The following SGCZ variants were observed in gnomAD, a reference collection of about 807,000 sequenced individuals.
SGCZ encodes zeta-sarcoglycan.
Under a neutral mutation model 41.3 loss-of-function variants are expected in SGCZ, and 40 were observed. The observed-to-expected ratio is 0.97, with a 90% CI of 0.75 to 1.26. The LOEUF is 1.26. Among genes scored for constraint, SGCZ ranks in the 50% most tolerant of loss-of-function variants. The pLI, the probability that SGCZ is intolerant of heterozygous loss-of-function variation, is 0.00. For missense variants in SGCZ, 552 were observed against 369.8 expected, an observed-to-expected ratio of 1.49 and a Z score of -4.04; for synonymous variants, 206 against 137.5, an observed-to-expected ratio of 1.50 and a Z score of -3.49.
At chr8:15,050,718 C>A (rs1420604482) in intron 1 of SGCZ, among the ~76,000 whole-genome samples, 1 of 152,016 alleles carries the variant, frequency 6.6e-6, no homozygotes, top group Admixed American at 6.6e-5. Flanking sequence ...TGAATTGAAG[C>A]TGATGTGTGG....
intron 4 of SGCZ, among the ~76,000 whole-genome samples, chr8:14,174,694 C>T (rs1258251488): frequency 3.3e-5 from 5 of 152,002 alleles, no homozygotes; most frequent in Admixed American, 6.6e-5. Context: ...CAATATGAAA[C>T]GGAAATAAAA....
intron 3 of SGCZ, among the ~76,000 whole-genome samples, chr8:14,261,828 T>C (rs923884712): frequency 1.3e-5 from 2 of 152,160 alleles, no homozygotes; most frequent in African/African-American, 2.4e-5. Flanking sequence ...AGAAAGAATA[T>C]ATTAAAAACT....
At chr8:14,746,024 A>T (rs903488326) in intron 1 of SGCZ, among the ~76,000 whole-genome samples, 2 of 152,086 alleles carry the variant, frequency 1.3e-5, no homozygotes, top group African/African-American at 2.4e-5. Context: ...TTTCTTACAA[A>T]CAATAAATTA....
At chr8:14,514,486 A>G (rs1260639361) in intron 2 of SGCZ, among the ~76,000 whole-genome samples, 1 of 151,916 alleles carries the variant, frequency 6.6e-6, no homozygotes, top group Non-Finnish European at 1.5e-5. Context: ...GGAATATGGT[A>G]AGAATTTGAT....
At chr8:15,159,772 G>C (rs1474920113) in intron 1 of SGCZ, among the ~76,000 whole-genome samples, 2 of 61,474 alleles carry the variant, frequency 3.3e-5, no homozygotes, top group Non-Finnish European at 6.5e-5. Context: ...CACACACACA[G>C]ATGGTGTCTG....
intron 1 of SGCZ, among the ~76,000 whole-genome samples, chr8:15,157,968 G>A (rs1242999689): frequency 6.6e-6 from 1 of 152,150 alleles, no homozygotes; most frequent in African/African-American, 2.4e-5. Flanking sequence ...CTTGCCCAGT[G>A]ACTGGCAGAA....
intron 2 of SGCZ, among the ~76,000 whole-genome samples, chr8:14,399,763 C>G (rs1799020967): frequency 6.6e-6 from 1 of 152,046 alleles, no homozygotes; most frequent in South Asian, 2.1e-4. Context: ...TTTACATTTT[C>G]TAAAATAAGC....
At chr8:15,221,967 C>T (rs901605864) in intron 1 of SGCZ, among the ~76,000 whole-genome samples, 1 of 152,158 alleles carries the variant, frequency 6.6e-6, no homozygotes, top group Non-Finnish European at 1.5e-5. Context: ...TTTTGCATTC[C>T]CTGTGTCCTA....
chr8:14,921,177 G>T (rs567318859), intron 1 of SGCZ, among the ~76,000 whole-genome samples: 1 of 152,122 alleles, frequency 6.6e-6, no homozygotes, highest in Admixed American at 6.5e-5. Context: ...TCAGCTTCCC[G>T]CATTCCCTTA....
chr8:15,111,555 C>A (rs1254428328), intron 1 of SGCZ, among the ~76,000 whole-genome samples: 1 of 152,120 alleles, frequency 6.6e-6, no homozygotes, highest in Non-Finnish European at 1.5e-5. Flanking sequence ...GGACCTTGAG[C>A]CACTCACTCA....
At chr8:14,100,521 TTAATA>T (rs1801982651) in intron 7 of SGCZ, among the ~76,000 whole-genome samples, 1 of 137,942 alleles carries the variant, frequency 7.2e-6, no homozygotes, top group Non-Finnish European at 1.6e-5. Flanking sequence ...ATATATTATA[TTAATA>T]TATTTTCAAA....
chr8:14,883,782 T>G (rs906000076), intron 1 of SGCZ, among the ~76,000 whole-genome samples: 6 of 150,894 alleles, frequency 4.0e-5, no homozygotes, highest in East Asian at 2.0e-4. Flanking sequence ...TGTTGTTTTT[T>G]TTTTTTTTTT....
intron 2 of SGCZ, among the ~76,000 whole-genome samples, chr8:14,545,156 G>A (rs1371410196): frequency 6.6e-6 from 1 of 151,898 alleles, no homozygotes; most frequent in African/African-American, 2.4e-5. Context: ...TTGAAATATT[G>A]GGGGCATGTC....
chr8:14,514,147 T>G (rs1465173917), intron 2 of SGCZ, among the ~76,000 whole-genome samples: 3 of 152,144 alleles, frequency 2.0e-5, no homozygotes, highest in Non-Finnish European at 2.9e-5. Flanking sequence ...AGCAGTGATA[T>G]TTTACTTAGT....
intron 1 of SGCZ, among the ~76,000 whole-genome samples, chr8:15,181,898 C>T (rs1203731452): frequency 4.6e-5 from 7 of 152,074 alleles, no homozygotes; most frequent in African/African-American, 1.7e-4. Flanking sequence ...TCTTCTGATA[C>T]CTTCTTCTAA....
At chr8:14,605,849 G>C (rs1805731820) in intron 1 of SGCZ, among the ~76,000 whole-genome samples, 1 of 152,188 alleles carries the variant, frequency 6.6e-6, no homozygotes, top group Non-Finnish European at 1.5e-5. Flanking sequence ...TAACTGAACA[G>C]ATGAGGGAAT....
chr8:14,251,119 T>TC (rs542000898), intron 3 of SGCZ, among the ~76,000 whole-genome samples: 173 of 152,076 alleles, frequency 1.1e-3, no homozygotes, highest in African/African-American at 4.1e-3. Context: ...TCCCAGCTAC[T>TC]CGGGAGGCCA....
chr8:14,384,436 G>C (rs1009198985), intron 2 of SGCZ, among the ~76,000 whole-genome samples: 7 of 152,138 alleles, frequency 4.6e-5, no homozygotes, highest in African/African-American at 7.2e-5. Context: ...ACTATGTTTT[G>C]AGAAATTTAA....
chr8:14,668,911 T>A (rs922343031), intron 1 of SGCZ, among the ~76,000 whole-genome samples: 2 of 130,140 alleles, frequency 1.5e-5, no homozygotes, highest in Non-Finnish European at 3.1e-5. Flanking sequence ...ACCACTCAGT[T>A]ATTTTCTTGT....
Sources: gnomAD v4.1 joint callset for allele counts (sites outside exome capture counted in the v4.1 genomes callset) on GRCh38, gnomAD v4.1.1 for gene constraint, MANE v1.5 for transcripts, NCBI Gene and HGNC (gene_info 2026-07-23, HGNC 2026-07-21) for gene names.